Variants in COX7B2 observed in about 807,000 individuals in gnomAD.
COX7B2 encodes cytochrome c oxidase subunit 7B2, mitochondrial.
For missense variants in COX7B2, 109 were observed against 95.9 expected, an observed-to-expected ratio of 1.14 and a Z score of -0.57; for synonymous variants, 37 against 32.1, an observed-to-expected ratio of 1.15 and a Z score of -0.51.
intron 2 of COX7B2, among the ~76,000 whole-genome samples, chr4:46,794,417 T>C (rs987670862): frequency 1.3e-5 from 2 of 152,034 alleles, no homozygotes; most frequent in African/African-American, 2.4e-5. Flanking sequence ...GTTTAATATA[T>C]AGGAAGGTAT....
chr4:46,847,683 C>T (rs1056498740), intron 1 of COX7B2, among the ~76,000 whole-genome samples: 1 of 151,944 alleles, frequency 6.6e-6, no homozygotes, highest in African/African-American at 2.4e-5. Flanking sequence ...GGCAAGGGAG[C>T]TAAGAAAGCG....
At chr4:46,822,160 C>G (rs1465819958) in intron 2 of COX7B2, among the ~76,000 whole-genome samples, 1 of 152,162 alleles carries the variant, frequency 6.6e-6, no homozygotes, top group East Asian at 1.9e-4. Flanking sequence ...ATCCGTCTGC[C>G]CCACCCTCCT....
chr4:46,748,774 T>C (rs1211458961), intron 2 of COX7B2, among the ~76,000 whole-genome samples: 5 of 152,188 alleles, frequency 3.3e-5, no homozygotes, highest in Admixed American at 6.5e-5. Flanking sequence ...TACAAACTCA[T>C]CTTCTAACAA....
intron 2 of COX7B2, among the ~76,000 whole-genome samples, chr4:46,795,419 G>T (rs1403006459): frequency 1.3e-3 from 97 of 74,992 alleles, no homozygotes; most frequent in African/African-American, 6.1e-3. Flanking sequence ...TCTACATATG[G>T]CTAGCCAGTT....
chr4:46,759,323 T>C (rs973230315), intron 2 of COX7B2, among the ~76,000 whole-genome samples: 11 of 151,998 alleles, frequency 7.2e-5, no homozygotes, highest in Non-Finnish European at 1.5e-4. Context: ...TTCAATATAC[T>C]CAGAGATTTT....
intron 2 of COX7B2, among the ~76,000 whole-genome samples, chr4:46,780,534 A>T (rs1051767618): frequency 6.6e-6 from 1 of 152,132 alleles, no homozygotes; most frequent in South Asian, 2.1e-4. Context: ...AAAAACAAAA[A>T]AGTCTAAACC....
intron 2 of COX7B2, among the ~76,000 whole-genome samples, chr4:46,783,402 A>G (rs1717587290): frequency 6.6e-6 from 1 of 152,208 alleles, no homozygotes; most frequent in Non-Finnish European, 1.5e-5. Context: ...TCCTTTGCCT[A>G]TCAGTGATTT....
At chr4:46,745,443 T>C (rs1714964334) in intron 2 of COX7B2, among the ~76,000 whole-genome samples, 1 of 152,216 alleles carries the variant, frequency 6.6e-6, no homozygotes, top group African/African-American at 2.4e-5. Flanking sequence ...GTGCTTTCAG[T>C]ATAATTTTCT....
At chr4:46,854,008 G>C (rs1365038609) in intron 1 of COX7B2, among the ~76,000 whole-genome samples, 3 of 152,066 alleles carry the variant, frequency 2.0e-5, no homozygotes, top group African/African-American at 7.2e-5. Context: ...TGTTTCTTTA[G>C]AACTATTTTT....
chr4:46,831,223 C>T (rs112554083), intron 2 of COX7B2, among the ~76,000 whole-genome samples: 1,787 of 152,218 alleles, frequency 0.012, 18 homozygotes, highest in Non-Finnish European at 0.019. Flanking sequence ...CCAGCAGTGC[C>T]GGCCCACCAA....
intron 2 of COX7B2, among the ~76,000 whole-genome samples, chr4:46,806,996 T>C (rs1229951175): frequency 6.6e-6 from 1 of 152,030 alleles, no homozygotes; most frequent in Non-Finnish European, 1.5e-5. Flanking sequence ...GCAGATGTCT[T>C]TTTGAGGTGG....
At chr4:46,868,334 T>C (rs528492921) in intron 1 of COX7B2, among the ~76,000 whole-genome samples, 2 of 152,272 alleles carry the variant, frequency 1.3e-5, no homozygotes, top group South Asian at 2.1e-4. Flanking sequence ...CCTGGATACA[T>C]TGAACTTTTG....
intron 1 of COX7B2, among the ~76,000 whole-genome samples, chr4:46,908,745 A>AAAAAAAAAC (rs1434981407): frequency 6.6e-6 from 1 of 151,170 alleles, no homozygotes; most frequent in Non-Finnish European, 1.5e-5. Flanking sequence ...TGGCAAAAAA[A>AAAAAAAAAC]AAAAAAAAAA....
chr4:46,849,233 G>A (rs549793079), intron 1 of COX7B2, among the ~76,000 whole-genome samples: 1 of 152,068 alleles, frequency 6.6e-6, no homozygotes, highest in Non-Finnish European at 1.5e-5. Flanking sequence ...CCCAGGTTTT[G>A]CTCCATCATC....
At chr4:46,790,337 A>G (rs1717972263) in intron 2 of COX7B2, among the ~76,000 whole-genome samples, 2 of 152,214 alleles carry the variant, frequency 1.3e-5, no homozygotes, top group Non-Finnish European at 2.9e-5. Flanking sequence ...AGGCAGGTAA[A>G]TAGCTCCTGA....
intron 2 of COX7B2, among the ~76,000 whole-genome samples, chr4:46,757,653 G>A (rs1278244340): frequency 6.6e-6 from 1 of 151,932 alleles, no homozygotes; most frequent in Non-Finnish European, 1.5e-5. Context: ...GGAGTTGTTC[G>A]TTTGTTTGTC....
At position 46,906,633 on chromosome 4, in the gene COX7B2, T is replaced by C. The variant is rs145326123; in HGVS notation, c.-105+2527A>G. ...TTTTTTTTCTAAGCATTAGTTTTTTTCTAACATACTCCTCTAGTTCTTAAG... is the reference window on the plus strand; with the variant it reads ...TTTTTTTTCTAAGCATTAGTTTTTTCCTAACATACTCCTCTAGTTCTTAAG... On this transcript the variant is annotated intron_variant, in intron 1 of 2. Coordinates refer to ENST00000355591, the MANE Select transcript of COX7B2 (RefSeq NM_130902.3). 5.3e-5 allele frequency among the ~76,000 whole-genome samples: 8 copies of C among 152,346 alleles called. No individual in the cohort carries two copies. In the East Asian group the frequency reaches 1.3e-3, roughly 26 times the overall value.
chr4:46,735,586 C>G (rs1257636084), intron 2 of COX7B2, among the ~76,000 whole-genome samples: 2 of 152,140 alleles, frequency 1.3e-5, no homozygotes, highest in Non-Finnish European at 2.9e-5. Flanking sequence ...CAGAAAGTCA[C>G]AGAACACGCC....
chr4:46,772,459 GGTAA>G (rs1300605020), intron 2 of COX7B2, among the ~76,000 whole-genome samples: 2 of 152,036 alleles, frequency 1.3e-5, no homozygotes, highest in Non-Finnish European at 2.9e-5. Context: ...CAAAGAAAAT[GGTAA>G]GTATCTGAGG....
Sources: gnomAD v4.1 joint callset for allele counts (sites outside exome capture counted in the v4.1 genomes callset) on GRCh38, gnomAD v4.1.1 for gene constraint, MANE v1.5 for transcripts, NCBI Gene and HGNC (gene_info 2026-07-23, HGNC 2026-07-21) for gene names.